The following FAM131B variants were observed in gnomAD, a reference collection of about 807,000 sequenced individuals.
FAM131B encodes protein FAM131B.
In FAM131B, 19 loss-of-function variants were observed where a neutral mutation model predicts 42.0. The ratio of observed to expected loss-of-function variants is 0.45; its 90% CI spans 0.32 to 0.66. FAM131B has a LOEUF of 0.66. Ranked by LOEUF, FAM131B falls within the 30% of genes least tolerant of loss-of-function variation. FAM131B has a pLI of 0.05. For missense variants in FAM131B, 370 were observed against 468.4 expected, an observed-to-expected ratio of 0.79 and a Z score of 1.94; for synonymous variants, 183 against 177.6, an observed-to-expected ratio of 1.03 and a Z score of -0.24.
At chr7:143,378,488 T>C in the FAM131B span, among the ~76,000 whole-genome samples, 1 of 152,122 alleles carries the variant, frequency 6.6e-6, no homozygotes, top group Non-Finnish European at 1.5e-5. Context: ...ACTTCACACA[T>C]ACTGCCTAAG....
the FAM131B span, among the ~76,000 whole-genome samples, chr7:143,368,973 CA>C: frequency 6.6e-6 from 1 of 152,138 alleles, no homozygotes; most frequent in Non-Finnish European, 1.5e-5. Flanking sequence ...TTAAGTGAGC[CA>C]ATCAAGTCCA....
In FAM131B at chr7:143,355,996, C is replaced by G. The variant is rs1375526639; in HGVS notation, c.*554G>C. 1.9e-5 allele frequency: 3 copies of G among 158,310 alleles called. No individual in the cohort carries two copies. The South Asian group carries it at 5.5e-4, about 29-fold the overall frequency. The allele number at this position is 158,310 out of a possible 1,614,324, so 9.8% of individuals were successfully genotyped here. A position where few individuals can be genotyped will look rare whatever the true frequency, so the allele number is the denominator to read the frequency against. The stretch of plus-strand genomic sequence containing the variant: ...CCTGCTGAGGCAGCCTCTCCACCCT[C>G]CCCATGGACGTGCCCTTCAGGCAGC... On this transcript the variant is annotated 3_prime_UTR_variant, in exon 7 of 7. Coordinates refer to ENST00000443739, the MANE Select transcript of FAM131B (RefSeq NM_001031690.3). The surrounding 1 kb of genome is among the most constrained non-coding windows in gnomAD (Gnocchi z 4.1).
the FAM131B span, chr7:143,380,294 G>A: frequency 1.0e-6 from 1 of 985,290 alleles, no homozygotes; most frequent in Non-Finnish European, 1.2e-6. The surrounding 1 kb of genome is among the most constrained non-coding windows in gnomAD (Gnocchi z 5.0). Flanking sequence ...GTGTAGCCTG[G>A]GGCTGAGTCG....
chr7:143,363,129 T>C (rs1321564137), upstream of FAM131B, among the ~76,000 whole-genome samples: 2 of 148,946 alleles, frequency 1.3e-5, no homozygotes. Flanking sequence ...CAAGGGCCTT[T>C]GGCCACCAAA....
At position 143,356,738 on chromosome 7, in the gene FAM131B, C is replaced by T; in HGVS notation, c.895G>A (p.Gly299Ser). Residue 299 changes from glycine to serine, a missense_variant, in exon 7 of 7, where the codon GGC (glycine) becomes AGC (serine). Transcript: ENST00000443739. The surrounding 1 kb of genome is among the most constrained non-coding windows in gnomAD (Gnocchi z 4.4). ...GGCCTCTTCTCCTCCTCAGCAGGGC[C>T]CCTTGCCAGGTCCACTGCGCCTACC... ...PGVGAVDLARGPAEEEKRPLA... is the reference protein window; with the variant it reads ...PGVGAVDLARSPAEEEKRPLA... 1.2e-6 allele frequency: 2 copies of T among 1,614,140 alleles called. No homozygotes were observed. The highest frequency in any genetic ancestry group is 2.2e-5 in the South Asian group (2 of 91,084).
At position 143,359,053 on chromosome 7, in the gene FAM131B, C is replaced by A. The variant is rs1230401441; in HGVS notation, c.269-29G>T. 1 of 1,604,480 alleles carries A rather than the reference C, an allele frequency of 6.2e-7. No individual in the cohort carries two copies. Among genetic ancestry groups the A allele is most frequent in the Non-Finnish European group, 8.5e-7 (1 of 1,174,090 alleles). ...TGGGGCCAGACATTTCCCACATCCTCCAGAATATCACACAATACCCATAAC... is the reference window on the plus strand; with the variant it reads ...TGGGGCCAGACATTTCCCACATCCTACAGAATATCACACAATACCCATAAC... On this transcript the variant is annotated intron_variant, in intron 4 of 6. Transcript: ENST00000443739. This position sits in a 1 kb window ranked among gnomAD's most constrained non-coding sequence, Gnocchi z 5.4.
upstream of FAM131B, among the ~76,000 whole-genome samples, chr7:143,366,186 A>G (rs374004808): frequency 3.9e-5 from 6 of 152,312 alleles, no homozygotes; most frequent in South Asian, 4.1e-4. Flanking sequence ...ACGTTCTTTC[A>G]CGCTTGTCTT....
chr7:143,368,893 T>C, the FAM131B span, among the ~76,000 whole-genome samples: 10 of 152,338 alleles, frequency 6.6e-5, no homozygotes, highest in Admixed American at 1.3e-4. Context: ...TTCCTGCAAC[T>C]GATCCTGTTC....
the FAM131B span, among the ~76,000 whole-genome samples, chr7:143,372,223 C>G: frequency 6.6e-6 from 1 of 152,254 alleles, no homozygotes; most frequent in South Asian, 2.1e-4. Flanking sequence ...GTAGTGCCAC[C>G]CAGCTGTGTG....
In FAM131B at chr7:143,356,416, G is replaced by T; in HGVS notation, c.*134C>A. The T allele has an allele frequency of 1.5e-6, 1 of 655,628 alleles. No homozygotes were observed. 40.6% of individuals were successfully genotyped at this position (655,628 alleles called of 1,614,324 possible). ...ATCCCATCCTGGTCCTCCATTTCCA[G>T]GAGAGGACTGGAAGCTCCTGGGTTC... On this transcript the variant is annotated 3_prime_UTR_variant, in exon 7 of 7. Transcript: ENST00000443739. This position sits in a 1 kb window ranked among gnomAD's most constrained non-coding sequence, Gnocchi z 4.4.
At chr7:143,357,115 A>G in intron 6 of FAM131B, 93 bp from the exon 7 acceptor site, 1 of 1,152,198 alleles carries the variant, frequency 8.7e-7, no homozygotes, top group Non-Finnish European at 1.3e-6. Context: ...AAGAGACAGC[A>G]CAGAGAACTG....
rs1451801157 is a variant in FAM131B, at chr7:143,359,370, G to T, written c.224C>A (p.Ser75Tyr). 6 of 1,613,812 alleles carry T rather than the reference G, an allele frequency of 3.7e-6. No individual in the cohort carries two copies. The highest frequency in any genetic ancestry group is 5.1e-6 in the Non-Finnish European group (6 of 1,180,004). Reference sequence around the variant, plus strand: ...CAGGGCCCCAATGCCATAGGCGTTAGAGTTTCGCTTAAGCTTCGGAAGAAT... The same window carrying T: ...CAGGGCCCCAATGCCATAGGCGTTATAGTTTCGCTTAAGCTTCGGAAGAAT... ...TSILPKLKRNSNAYGIGALAK... is the reference protein window; with the variant it reads ...TSILPKLKRNYNAYGIGALAK... Residue 75 changes from serine (S) to tyrosine (Y), a missense_variant, in exon 4 of 7, where the codon TCT becomes TAT. Ser to Tyr is a moderately radical substitution (Grantham distance 144, BLOSUM62 -2). Coordinates refer to ENST00000443739, the MANE Select transcript of FAM131B (RefSeq NM_001031690.3). The surrounding 1 kb of genome is among the most constrained non-coding windows in gnomAD (Gnocchi z 5.4).
upstream of FAM131B, among the ~76,000 whole-genome samples, chr7:143,363,363 G>C (rs557619749): frequency 2.4e-4 from 36 of 152,230 alleles, no homozygotes; most frequent in African/African-American, 8.4e-4. Context: ...GCCTGGTTGG[G>C]GATTGGAGAA....
the FAM131B span, chr7:143,381,725 GC>G: frequency 3.1e-6 from 5 of 1,600,418 alleles, no homozygotes; most frequent in Non-Finnish European, 4.3e-6. Flanking sequence ...GGCACCCGGG[GC>G]CCAGCGCGCA....
chr7:143,357,210 A>C, intron 6 of FAM131B, 70 bp downstream of exon 6: 3 of 1,497,122 alleles, frequency 2.0e-6, no homozygotes, highest in Non-Finnish European at 2.8e-6. Flanking sequence ...AACGGAGCTG[A>C]GTGGAGGCAG....
the FAM131B span, chr7:143,381,777 A>C: frequency 6.4e-7 from 1 of 1,569,152 alleles, no homozygotes. Flanking sequence ...CCGCCCCCGG[A>C]AGGTATGCGG....
At position 143,359,130 on chromosome 7, in the gene FAM131B, G is replaced by T; in HGVS notation, c.269-106C>A. On this transcript the variant is annotated intron_variant, in intron 4 of 6. Transcript: ENST00000443739. This position sits in a 1 kb window ranked among gnomAD's most constrained non-coding sequence, Gnocchi z 5.4. ...AGCCCCATGAGGCTCCATCCCACTGGGCCAGGCTCCCCTAAGGACTCCATA... is the reference window on the plus strand; with the variant it reads ...AGCCCCATGAGGCTCCATCCCACTGTGCCAGGCTCCCCTAAGGACTCCATA... The T allele has an allele frequency of 8.0e-7, 1 of 1,244,592 alleles. No homozygotes were observed. Among genetic ancestry groups the T allele is most frequent in the Non-Finnish European group, 1.1e-6 (1 of 883,872 alleles). 77.1% of individuals were successfully genotyped at this position (1,244,592 alleles called of 1,614,324 possible). A position where few individuals can be genotyped will look rare whatever the true frequency, so the allele number is the denominator to read the frequency against.
At chr7:143,371,799 C>T in the FAM131B span, among the ~76,000 whole-genome samples, 4 of 152,064 alleles carry the variant, frequency 2.6e-5, no homozygotes, top group East Asian at 7.7e-4. Context: ...AAGAACCTTC[C>T]CAGCAGAGAA....
Position 143,358,968 on chromosome 7 carries a change from G to A in FAM131B, c.325C>T (p.Arg109Trp). The change falls in exon 5 of 7, where the codon CGG becomes TGG. Residue 109 changes from arginine to tryptophan, a missense_variant. By Grantham distance (101) the Arg-to-Trp change is moderately radical. Coordinates refer to ENST00000443739, the MANE Select transcript of FAM131B (RefSeq NM_001031690.3). The surrounding 1 kb of genome is among the most constrained non-coding windows in gnomAD (Gnocchi z 4.7). ...VTKPTAMGQG[R>W]VAHMIEWQGW... ...TGCCACTCAATCATGTGGGCCACCC[G>A]GCCTTGCCCCATGGCTGTGGGCTTT... 4 of 1,614,034 alleles carry A rather than the reference G, an allele frequency of 2.5e-6. No homozygotes were observed. The highest frequency in any genetic ancestry group is 3.4e-6 in the Non-Finnish European group (4 of 1,180,014).
Sources: gnomAD v4.1 joint callset for allele counts (sites outside exome capture counted in the v4.1 genomes callset) on GRCh38, gnomAD v4.1.1 for gene constraint, Gnocchi (gnomAD v3.1) non-coding constraint, MANE v1.5 for transcripts, NCBI Gene and HGNC (gene_info 2026-07-23, HGNC 2026-07-21) for gene names.